Variants in MRPS31 observed in about 807,000 individuals in gnomAD.
MRPS31 encodes mitochondrial ribosomal protein S31.
Under a neutral mutation model 43.1 loss-of-function variants are expected in MRPS31, and 32 were observed. The ratio of observed to expected loss-of-function variants is 0.74; its 90% confidence interval spans 0.56 to 1.00. The LOEUF (loss-of-function observed/expected upper bound fraction) is 1.00. Ranked by LOEUF, MRPS31 falls within the 50% of genes least tolerant of loss-of-function variation. MRPS31 has a pLI of 0.00. For synonymous variants in MRPS31, 165 were observed against 161.6 expected, an observed-to-expected ratio of 1.02 and a Z score of -0.16; for missense variants, 437 against 466.7, an observed-to-expected ratio of 0.94 and a Z score of 0.59.
At chr13:40,765,292 A>C (rs1168508937) in intron 2 of MRPS31, among the ~76,000 whole-genome samples, 2 of 152,246 alleles carry the variant, frequency 1.3e-5, no homozygotes, top group Non-Finnish European at 2.9e-5. Flanking sequence ...AAAGCTTACA[A>C]AGCAATCTAA....
chr13:40,743,525 TTA>T (rs754107077), intron 6 of MRPS31, among the ~76,000 whole-genome samples: 10 of 152,040 alleles, frequency 6.6e-5, no homozygotes, highest in Non-Finnish European at 1.3e-4. Flanking sequence ...ATCAACCCTA[TTA>T]AAAGGTGGGC....
chr13:40,750,972 C>T (rs1039335345), intron 5 of MRPS31, among the ~76,000 whole-genome samples: 12 of 152,076 alleles, frequency 7.9e-5, no homozygotes, highest in Non-Finnish European at 1.6e-4. Flanking sequence ...CAGCTTACCT[C>T]TTTACCCACT....
intron 2 of MRPS31, among the ~76,000 whole-genome samples, chr13:40,762,637 T>C (rs756443834): frequency 3.3e-5 from 5 of 151,968 alleles, no homozygotes; most frequent in Admixed American, 2.0e-4. Flanking sequence ...GGTCTCACTA[T>C]GTTGGCAGGG....
chr13:40,744,944 T>C (rs973731819), intron 6 of MRPS31, among the ~76,000 whole-genome samples: 5 of 151,082 alleles, frequency 3.3e-5, no homozygotes, highest in Admixed American at 2.6e-4. Context: ...ATTTTTGAGA[T>C]GGAGTCTTGC....
intron 6 of MRPS31, among the ~76,000 whole-genome samples, chr13:40,742,899 C>T (rs978155672): frequency 4.6e-5 from 7 of 152,118 alleles, no homozygotes; most frequent in African/African-American, 1.7e-4. Context: ...GTACAAAAAT[C>T]AACTCAAGGT....
chr13:40,761,233 C>T (rs1409943826), intron 2 of MRPS31, among the ~76,000 whole-genome samples: 1 of 149,918 alleles, frequency 6.7e-6, no homozygotes, highest in African/African-American at 2.5e-5. Flanking sequence ...TTCCACTGCA[C>T]TACAGCCTGA....
intron 6 of MRPS31, among the ~76,000 whole-genome samples, chr13:40,735,291 G>A (rs527652523): frequency 1.3e-5 from 2 of 152,242 alleles, no homozygotes; most frequent in Non-Finnish European, 2.9e-5. Context: ...CGCCCACGGA[G>A]TCTCGCTGAT....
intron 6 of MRPS31, among the ~76,000 whole-genome samples, chr13:40,735,168 T>A (rs1369377777): frequency 1.3e-5 from 2 of 152,060 alleles, no homozygotes; most frequent in African/African-American, 4.8e-5. Context: ...AAGAAAGGGG[T>A]GACGGACGGC....
intron 6 of MRPS31, among the ~76,000 whole-genome samples, chr13:40,735,322 A>C (rs1202767900): frequency 6.6e-6 from 1 of 152,208 alleles, no homozygotes; most frequent in Non-Finnish European, 1.5e-5. Context: ...GCAGTCTGAG[A>C]TCAAACTGCA....
In MRPS31 at chr13:40,729,593, C is replaced by A; in HGVS notation, c.967G>T (p.Asp323Tyr). ...FPINNEAGFD[D>Y]DGSEFHEHIF... Reference sequence around the variant, plus strand: ...TGTTCATGAAATTCTGAACCATCATCATCAAAACCTAGGAAATGAGACCAA... The same window carrying A: ...TGTTCATGAAATTCTGAACCATCATAATCAAAACCTAGGAAATGAGACCAA... Residue 323 changes from aspartate (D) to tyrosine (Y), a missense_variant, in exon 7 of 7, where the codon GAT becomes TAT. Physicochemically the swap from Asp to Tyr is radical, Grantham distance 160. Transcript: ENST00000323563. 6.2e-7 allele frequency: 1 copy of A among 1,606,786 alleles called. No individual in the cohort carries two copies. The highest frequency in any genetic ancestry group is 8.5e-7 in the Non-Finnish European group (1 of 1,173,742).
intron 6 of MRPS31, among the ~76,000 whole-genome samples, chr13:40,741,781 T>C (rs1293425347): frequency 2.6e-5 from 4 of 152,146 alleles, no homozygotes; most frequent in Admixed American, 2.0e-4. Flanking sequence ...AAAGAAATTA[T>C]AGTCTGCATT....
At chr13:40,744,686 G>A (rs61963351) in intron 6 of MRPS31, among the ~76,000 whole-genome samples, 21,876 of 152,100 alleles carry the variant, frequency 0.14, 1,911 homozygotes, top group South Asian at 0.29. Flanking sequence ...CAATAGCAAA[G>A]ACATTATACA....
chr13:40,744,983 G>A (rs575333233), intron 6 of MRPS31, among the ~76,000 whole-genome samples: 91 of 150,694 alleles, frequency 6.0e-4, no homozygotes, highest in Non-Finnish European at 1.2e-3. Context: ...GTGCAGTGGC[G>A]AGATCTCAGC....
rs1880315823 is a variant in MRPS31, at chr13:40,749,037, A to C, written c.958+101T>G. 7.6e-6 allele frequency: 9 copies of C among 1,184,210 alleles called. No individual in the cohort carries two copies. In the East Asian group the frequency reaches 2.5e-4, roughly 33 times the overall value. 73.4% of individuals were successfully genotyped at this position (1,184,210 alleles called of 1,614,324 possible). A position where few individuals can be genotyped will look rare whatever the true frequency, so the allele number is the denominator to read the frequency against. ...AGGACACCATGAAGATATCCACAAA[A>C]GGTTTTGAAATTCATGTAAGTATCT... On this transcript the variant is annotated intron_variant, in intron 6 of 6. Transcript: ENST00000323563.
intron 2 of MRPS31, among the ~76,000 whole-genome samples, chr13:40,763,590 T>G (rs1349346002): frequency 2.0e-5 from 3 of 152,142 alleles, no homozygotes; most frequent in African/African-American, 7.2e-5. Flanking sequence ...AGTTATCAGG[T>G]ACCAGATGTA....
At chr13:40,769,203 C>T (rs914350461) in intron 1 of MRPS31, among the ~76,000 whole-genome samples, 2 of 151,288 alleles carry the variant, frequency 1.3e-5, no homozygotes, top group African/African-American at 4.9e-5. Context: ...TGGTGAAATC[C>T]AGTCTCTACT....
At chr13:40,750,498 A>G (rs1880356092) in intron 5 of MRPS31, among the ~76,000 whole-genome samples, 1 of 152,070 alleles carries the variant, frequency 6.6e-6, no homozygotes, top group Admixed American at 6.5e-5. Context: ...GTCAAGTTAT[A>G]TACTTCAAAT....
At chr13:40,743,924 A>G (rs900761526) in intron 6 of MRPS31, among the ~76,000 whole-genome samples, 1 of 152,234 alleles carries the variant, frequency 6.6e-6, no homozygotes, top group African/African-American at 2.4e-5. Flanking sequence ...AGCACTATTC[A>G]CAATAGCAAA....
chr13:40,750,590 C>G (rs1393547134), intron 5 of MRPS31, among the ~76,000 whole-genome samples: 1 of 151,622 alleles, frequency 6.6e-6, no homozygotes, highest in African/African-American at 2.4e-5. Context: ...CCTTGGCTAC[C>G]TTTTCCCCTA....
Sources: allele counts gnomAD v4.1 joint callset (sites outside exome capture counted in the v4.1 genomes callset), GRCh38; gene constraint gnomAD v4.1.1; transcripts MANE v1.5; gene names NCBI Gene and HGNC (gene_info 2026-07-23, HGNC 2026-07-21).